The following ITGA2B variants were observed in gnomAD, a reference collection of about 807,000 sequenced individuals.
ITGA2B encodes the protein integrin subunit alpha 2b, also known as integrin alpha-IIb.
A neutral mutation model predicts 142.0 loss-of-function variants in ITGA2B; 91 were observed. The ratio of observed to expected loss-of-function variants is 0.64; its 90% confidence interval spans 0.54 to 0.76. The LOEUF is 0.76. Ranked by LOEUF, ITGA2B falls within the 30% of genes least tolerant of loss-of-function variation. ITGA2B has a pLI of 0.00. For synonymous variants in ITGA2B, 536 were observed against 567.2 expected (o/e 0.94, Z 0.78); for missense variants, 1,231 against 1,350.8 (o/e 0.91, Z 1.39).
intron 10 of ITGA2B, 33 bp from the exon 11 acceptor site, chr17:44,383,979 C>T (rs778888192): frequency 1.2e-6 from 2 of 1,614,044 alleles, no homozygotes; most frequent in South Asian, 2.2e-5. Flanking sequence ...ATTCACGCCG[C>T]TGGACAAGCA....
At chr17:44,387,966 C>G (rs1003529590) in intron 1 of ITGA2B, among the ~76,000 whole-genome samples, 2 of 151,750 alleles carry the variant, frequency 1.3e-5, no homozygotes, top group Non-Finnish European at 2.9e-5. Context: ...TCTCATTGAT[C>G]AGACACTGGA....
chr17:44,372,512 C>T (rs898738008), intron 29 of ITGA2B, 89 bp from the exon 30 acceptor site: 1 of 1,145,722 alleles, frequency 8.7e-7, no homozygotes. Context: ...CTATGAGCAC[C>T]TCCCTGGACC....
chr17:44,388,531 T>G (rs1442553713), intron 1 of ITGA2B, among the ~76,000 whole-genome samples: 5 of 150,308 alleles, frequency 3.3e-5, no homozygotes, highest in Non-Finnish European at 7.4e-5. Context: ...TAATTTTTTT[T>G]TTTTTGAGAC....
In ITGA2B at chr17:44,385,677, T is replaced by C. The variant is rs1474292593; in HGVS notation, c.448A>G (p.Thr150Ala). Reference protein sequence around the residue: ...PWQHWNVLEKTEEAEKTPVGS... With the variant: ...PWQHWNVLEKAEEAEKTPVGS... ...ACGGGCGTCTTCTCAGCCTCCTCAG[T>C]CTTTTCTAGGACGTTCCAGTGCTGC... Residue 150 changes from threonine (T) to alanine (A), a missense_variant, in exon 4 of 30, where the codon ACT becomes GCT. By Grantham distance (58) the Thr-to-Ala change is moderately conservative. Coordinates refer to ENST00000262407, the MANE Select transcript of ITGA2B (RefSeq NM_000419.5). The C allele has an allele frequency of 1.2e-6, 2 of 1,613,730 alleles. No homozygotes were observed. Among genetic ancestry groups the C allele is most frequent in the South Asian group, 2.2e-5 (2 of 91,090 alleles).
Position 44,380,586 on chromosome 17 carries a change from G to A in ITGA2B, c.1439+14C>T. 6.2e-7 allele frequency: 1 copy of A among 1,614,202 alleles called. No individual in the cohort carries two copies. Among genetic ancestry groups the A allele is most frequent in the Non-Finnish European group, 8.5e-7 (1 of 1,180,032 alleles). ...CAGGACCTTCCCCATCCCGCCCCTG[G>A]AGCCAGTGCTCACCTGTACACAGCC... is the stretch of plus-strand genomic sequence containing the variant. On this transcript the variant is annotated intron_variant, in intron 14 of 29. Transcript: ENST00000262407.
At chr17:44,372,448 C>G in intron 29 of ITGA2B, 25 bp from the exon 30 acceptor site, 1 of 1,610,324 alleles carries the variant, frequency 6.2e-7, no homozygotes, top group East Asian at 2.2e-5. Context: ...GGGCCAAGGT[C>G]AGGGTATACA....
Position 44,388,751 on chromosome 17 carries a change from T to A in ITGA2B, c.188+535A>T, listed in dbSNP as rs575056697. Among the ~76,000 whole-genome samples, 14 of 151,738 alleles carry A rather than the reference T, an allele frequency of 9.2e-5. No homozygotes were observed. The East Asian group carries it at 1.5e-3, about 17-fold the overall frequency. ...CCAGGCTGGTCTTGAACTCCTGACC[T>A]CATGATCTGCCCACCTCTGCCTCCC... On this transcript the variant is annotated intron_variant, in intron 1 of 29. Coordinates refer to ENST00000262407, the MANE Select transcript of ITGA2B (RefSeq NM_000419.5).
In ITGA2B at chr17:44,372,420, C is replaced by T. The variant is rs1473991361; in HGVS notation, c.3064G>A (p.Gly1022Ser). The T allele has an allele frequency of 3.1e-6, 5 of 1,613,882 alleles. No individual in the cohort carries two copies. The highest frequency in any genetic ancestry group is 2.7e-5 in the African/African-American group (2 of 74,870). Reference protein sequence around the residue: ...TILVLAMWKVGFFKRNRPPLE... With the variant: ...TILVLAMWKVSFFKRNRPPLE... ...GGTGGCCGGTTCCGCTTGAAGAAGC[C>T]GACCTGGGGGTACACGGGGGCCAAG... is the stretch of plus-strand genomic sequence containing the variant. Residue 1022 changes from glycine to serine, a missense_variant, in exon 30 of 30, where the codon GGC becomes AGC. This residue lies in a region of ITGA2B where 908 missense variants were observed against 1,021.1 expected (regional missense o/e 0.89). Coordinates refer to ENST00000262407, the MANE Select transcript of ITGA2B (RefSeq NM_000419.5).
At chr17:44,383,301 T>C (rs1284015410) in intron 12 of ITGA2B, among the ~76,000 whole-genome samples, 192 bp downstream of exon 12, 1 of 152,188 alleles carries the variant, frequency 6.6e-6, no homozygotes, top group Non-Finnish European at 1.5e-5. Flanking sequence ...GTCTCTTGCT[T>C]GGATTAAGGC....
chr17:44,377,002 T>C lies in ITGA2B; in HGVS notation c.2267+7A>G. ...GTGGTGGGTAGGCACGCTCGCCAGG[T>C]CAGTACCTCCGTATCTGCAGCTGGA... is the stretch of plus-strand genomic sequence containing the variant. On this transcript the variant is annotated splice_region_variant and intron_variant, in intron 22 of 29. Transcript: ENST00000262407. 3.8e-6 allele frequency: 6 copies of C among 1,581,454 alleles called. No homozygotes were observed. Among genetic ancestry groups the C allele is most frequent in the Non-Finnish European group, 4.3e-6 (5 of 1,164,432 alleles).
chr17:44,388,313 A>G (rs561652237), intron 1 of ITGA2B, among the ~76,000 whole-genome samples: 92 of 151,468 alleles, frequency 6.1e-4, no homozygotes, highest in Non-Finnish European at 1.0e-3. Flanking sequence ...AGTTCTGCAA[A>G]TCAATTTAGG....
chr17:44,378,666 G>A lies in ITGA2B; in HGVS notation c.1923C>T (p.Pro641=), dbSNP rs774222014. The change falls in exon 19 of 30, where the codon CCC becomes CCT. Residue 641 remains proline (P), a synonymous_variant. Coordinates refer to ENST00000262407, the MANE Select transcript of ITGA2B (RefSeq NM_000419.5). ...ACACGCTGGCAGTGAGCTGAAGCTGGGGCACACATACGTCATCTTCCCCAC... is the reference window on the plus strand; with the variant it reads ...ACACGCTGGCAGTGAGCTGAAGCTGAGGCACACATACGTCATCTTCCCCAC... ...LDCGEDDVCV[P]QLQLTASVTG... is the part of the protein sequence containing the mutation. The A allele has an allele frequency of 4.3e-5, 67 of 1,562,482 alleles. No individual in the cohort carries two copies. The highest frequency in any genetic ancestry group is 5.7e-5 in the Non-Finnish European group (66 of 1,152,928).
intron 1 of ITGA2B, among the ~76,000 whole-genome samples, chr17:44,386,803 G>A (rs1440700012): frequency 6.6e-6 from 1 of 152,140 alleles, no homozygotes; most frequent in Admixed American, 6.5e-5. Context: ...AAATAATTTT[G>A]TTGTTTTGAG....
intron 7 of ITGA2B, 93 bp downstream of exon 7, chr17:44,384,855 G>A: frequency 5.0e-6 from 8 of 1,591,036 alleles, no homozygotes; most frequent in South Asian, 1.1e-5. Context: ...GGCCGGCAGG[G>A]GTGGCCATGG....
intron 27 of ITGA2B, 110 bp from the exon 28 acceptor site, chr17:44,374,870 C>G (rs1041822910): frequency 1.6e-6 from 2 of 1,255,260 alleles, no homozygotes; most frequent in Non-Finnish European, 2.3e-6. Context: ...CCTAATCCCA[C>G]TGCAATCCCC....
At chr17:44,381,205 C>T (rs2048594750) in intron 12 of ITGA2B, 144 bp from the exon 13 acceptor site, 1 of 715,506 alleles carries the variant, frequency 1.4e-6, no homozygotes, top group Non-Finnish European at 2.3e-6. Flanking sequence ...CTGCCCTACC[C>T]TCCAGGAGTT....
chr17:44,387,003 G>A (rs1164117242), intron 1 of ITGA2B, among the ~76,000 whole-genome samples: 2 of 152,188 alleles, frequency 1.3e-5, no homozygotes, highest in Non-Finnish European at 2.9e-5. Context: ...GCTCACACCT[G>A]TAATCCCAGC....
Position 44,384,395 on chromosome 17 carries a change from A to C in ITGA2B, c.848-41T>G, listed in dbSNP as rs199622376. 14 of 1,612,542 alleles carry C rather than the reference A, an allele frequency of 8.7e-6. No individual in the cohort carries two copies. The Admixed American group carries it at 1.8e-4, about 21-fold the overall frequency. Reference sequence around the variant, plus strand: ...GCCAGGCTCAGGGAATGAGAGCCTTAGAACCTACCCACTTCCCGCTCCCCG... The same window carrying C: ...GCCAGGCTCAGGGAATGAGAGCCTTCGAACCTACCCACTTCCCGCTCCCCG... On this transcript the variant is annotated intron_variant, in intron 8 of 29. Coordinates refer to ENST00000262407, the MANE Select transcript of ITGA2B (RefSeq NM_000419.5).
At chr17:44,384,861 C>T in intron 7 of ITGA2B, 87 bp downstream of exon 7, 1 of 1,597,680 alleles carries the variant, frequency 6.3e-7, no homozygotes. Flanking sequence ...CAGGGGTGGC[C>T]ATGGAGGCTC....
Sources: gnomAD v4.1 joint callset for allele counts (sites outside exome capture counted in the v4.1 genomes callset) on GRCh38, gnomAD v4.1.1 for gene constraint, gnomAD v4.1.1 regional missense constraint, MANE v1.5 for transcripts, NCBI Gene and HGNC (gene_info 2026-07-23, HGNC 2026-07-21) for gene names.